The following HOOK1 variants were observed in gnomAD, a reference collection of about 807,000 sequenced individuals.
The protein encoded by HOOK1 is hook microtubule tethering protein 1, also known as protein Hook homolog 1.
Under a neutral mutation model 112.8 loss-of-function variants are expected in HOOK1, and 60 were observed. The ratio of observed to expected loss-of-function variants is 0.53; its 90% CI spans 0.43 to 0.66. The LOEUF (loss-of-function observed/expected upper bound fraction) is 0.66, where lower values mean the gene tolerates loss of function less well. HOOK1 is among the 30% of genes least tolerant of loss of function. HOOK1 has a pLI of 0.00. For missense variants in HOOK1, 770 were observed against 856.0 expected, an observed-to-expected ratio of 0.90 and a Z score of 1.25; for synonymous variants, 294 against 283.8, an observed-to-expected ratio of 1.04 and a Z score of -0.36.
chr1:59,835,367 A>T lies in HOOK1; in HGVS notation c.429A>T (p.Thr143=). ...TAGAACATATTCAAAATATAATGACACTGGAAGAGTCTGTTCAACATGTGG... is the reference window on the plus strand; with the variant it reads ...TAGAACATATTCAAAATATAATGACTCTGGAAGAGTCTGTTCAACATGTGG... ...KKQEHIQNIM[T]LEESVQHVVM... Residue 143 remains threonine (T), a synonymous_variant, in exon 6 of 22, where the codon ACA becomes ACT. Coordinates refer to ENST00000371208, the MANE Select transcript of HOOK1 (RefSeq NM_015888.6). The T allele has an allele frequency of 6.3e-7, 1 of 1,587,822 alleles. No homozygotes were observed. The highest frequency in any genetic ancestry group is 8.6e-7 in the Non-Finnish European group (1 of 1,157,136).
intron 12 of HOOK1, among the ~76,000 whole-genome samples, chr1:59,857,604 C>T (rs1399867605): frequency 6.6e-6 from 1 of 152,074 alleles, no homozygotes; most frequent in African/African-American, 2.4e-5. Context: ...ACCTACGGAC[C>T]CCTTGAATCA....
intron 15 of HOOK1, among the ~76,000 whole-genome samples, chr1:59,862,119 CAT>C (rs923110555): frequency 7.2e-5 from 11 of 152,092 alleles, no homozygotes; most frequent in African/African-American, 2.4e-4. Flanking sequence ...AAGGAATTAA[CAT>C]AGGAAAGCAG....
intron 14 of HOOK1, 24 bp downstream of exon 14, chr1:59,859,069 A>C: frequency 2.5e-6 from 3 of 1,180,130 alleles, no homozygotes; most frequent in Middle Eastern, 2.5e-4. Context: ...ATAATTTGAT[A>C]GAATTATATT....
At chr1:59,865,823 G>A (rs115906489) in intron 18 of HOOK1, 49 bp from the exon 19 acceptor site, 30,769 of 768,872 alleles carry the variant, frequency 0.04, 763 homozygotes, top group Non-Finnish European at 0.051. Context: ...ATTTTAATAG[G>A]TAGTAAATAT....
chr1:59,834,637 T>C lies in HOOK1; in HGVS notation c.407-708T>C, dbSNP rs187650545. On this transcript the variant is annotated intron_variant, in intron 5 of 21. Coordinates refer to ENST00000371208, the MANE Select transcript of HOOK1 (RefSeq NM_015888.6). ...AATCACAAATTGACAAGTAGTAATT[T>C]ATTTATAAATCTAGTAATTTTTTGT... Among the ~76,000 whole-genome samples the C allele has an allele frequency of 3.7e-3, 556 of 152,170 alleles. 7 individuals are homozygous for C. The highest frequency in any genetic ancestry group is 0.012 in the South Asian group (58 of 4,758).
intron 2 of HOOK1, among the ~76,000 whole-genome samples, chr1:59,825,467 TTG>T (rs2102009996): frequency 6.6e-6 from 1 of 152,326 alleles, no homozygotes; most frequent in South Asian, 2.1e-4. Flanking sequence ...TAGCAGATAT[TTG>T]AGCATTTAAC....
At chr1:59,872,038 A>C (rs1274684039) in intron 21 of HOOK1, among the ~76,000 whole-genome samples, 2 of 152,202 alleles carry the variant, frequency 1.3e-5, no homozygotes, top group African/African-American at 4.8e-5. Flanking sequence ...TTGATACATA[A>C]ATCAGTGAAG....
intron 6 of HOOK1, among the ~76,000 whole-genome samples, chr1:59,836,438 C>CA (rs1474992214): frequency 7.9e-5 from 12 of 152,160 alleles, no homozygotes. Flanking sequence ...CCTTTCATCT[C>CA]AGAGTTATTT....
At chr1:59,828,377 T>C (rs1215066615) in intron 2 of HOOK1, among the ~76,000 whole-genome samples, 1 of 152,176 alleles carries the variant, frequency 6.6e-6, no homozygotes, top group Non-Finnish European at 1.5e-5. Flanking sequence ...TTACTTAGAC[T>C]CTCTCATCCT....
intron 16 of HOOK1, chr1:59,863,684 G>T (rs534345546): frequency 2.0e-4 from 32 of 158,048 alleles, no homozygotes; most frequent in Non-Finnish European, 4.0e-4. Flanking sequence ...AATGCTAGGT[G>T]ATTATACCTG....
intron 20 of HOOK1, among the ~76,000 whole-genome samples, chr1:59,868,661 A>G (rs1281905000): frequency 6.6e-6 from 1 of 152,148 alleles, no homozygotes; most frequent in East Asian, 1.9e-4. Context: ...TGCAAATATG[A>G]TTTCATCTGG....
At chr1:59,816,312 A>G (rs1214847656) in intron 1 of HOOK1, among the ~76,000 whole-genome samples, 5 of 152,242 alleles carry the variant, frequency 3.3e-5, no homozygotes, top group African/African-American at 9.6e-5. Context: ...TGGAATGCAA[A>G]TATTTAGGGT....
intron 2 of HOOK1, among the ~76,000 whole-genome samples, chr1:59,826,387 C>A (rs1176566868): frequency 6.6e-6 from 1 of 150,604 alleles, no homozygotes; most frequent in Non-Finnish European, 1.5e-5. Flanking sequence ...GGTTGGAGAT[C>A]AAGTTTAATA....
chr1:59,815,054 T>G lies in HOOK1; in HGVS notation c.-64T>G, dbSNP rs924264621. On this transcript the variant is annotated 5_prime_UTR_variant, in exon 1 of 22. Coordinates refer to ENST00000371208, the MANE Select transcript of HOOK1 (RefSeq NM_015888.6). The stretch of plus-strand genomic sequence containing the variant: ...CTAGCAGGTCGTGGACGCCGGCTCC[T>G]GGAGGAGAGCCGGTAGGAGGGAGTG... 7.0e-7 allele frequency: 1 copy of G among 1,435,980 alleles called. No individual in the cohort carries two copies. Among genetic ancestry groups the G allele is most frequent in the Non-Finnish European group, 9.3e-7 (1 of 1,078,766 alleles). 89.0% of individuals were successfully genotyped at this position (1,435,980 alleles called of 1,614,324 possible).
At chr1:59,838,960 T>C (rs975849885) in intron 7 of HOOK1, among the ~76,000 whole-genome samples, 2 of 152,336 alleles carry the variant, frequency 1.3e-5, no homozygotes, top group Non-Finnish European at 2.9e-5. Flanking sequence ...AGGGAATCTT[T>C]TCCCCATTAC....
chr1:59,840,903 T>G (rs555442798), intron 8 of HOOK1, among the ~76,000 whole-genome samples: 7 of 152,278 alleles, frequency 4.6e-5, no homozygotes, highest in African/African-American at 1.7e-4. Flanking sequence ...GAACTTGGCA[T>G]GAGCAACAAT....
chr1:59,860,236 G>C lies in HOOK1; in HGVS notation c.1440G>C (p.Gln480His). Residue 480 changes from glutamine (Q) to histidine (H), a missense_variant, in exon 15 of 22, where the codon CAG becomes CAC. Physicochemically the swap from Gln to His is conservative, Grantham distance 24 (BLOSUM62 0). Transcript: ENST00000371208. ...ATGAAAATAAGATGCTTCGCTTACA[G>C]CAAGAAGGCTCTGAGAATGAACGTA... ...LQHENKMLRL[Q>H]QEGSENERIE... 1.2e-6 allele frequency: 2 copies of C among 1,610,156 alleles called. No homozygotes were observed. Among genetic ancestry groups the C allele is most frequent in the Non-Finnish European group, 1.7e-6 (2 of 1,177,684 alleles).
chr1:59,824,210 A>AT (rs35058060), intron 2 of HOOK1, among the ~76,000 whole-genome samples: 14,263 of 143,642 alleles, frequency 0.099, 1,842 homozygotes, highest in African/African-American at 0.3. Flanking sequence ...ATATGTTACA[A>AT]TTTTTTTTTT....
In HOOK1 at chr1:59,836,868, C is replaced by T; in HGVS notation, c.475-5C>T. The T allele has an allele frequency of 2.0e-6, 3 of 1,500,486 alleles. No homozygotes were observed. The highest frequency in any genetic ancestry group is 2.8e-6 in the Non-Finnish European group (3 of 1,087,016). The allele number at this position is 1,500,486 out of a possible 1,614,324, so 92.9% of individuals were successfully genotyped here. On this transcript the variant is annotated splice_polypyrimidine_tract_variant and splice_region_variant and intron_variant, in intron 6 of 21. Coordinates refer to ENST00000371208, the MANE Select transcript of HOOK1 (RefSeq NM_015888.6). ...ATACTTAATTTTATTATTTTAATTT[C>T]CTAGTTGATGAGTAAAGAAATATTG...
Sources: gnomAD v4.1 joint callset for allele counts (sites outside exome capture counted in the v4.1 genomes callset) on GRCh38, gnomAD v4.1.1 for gene constraint, MANE v1.5 for transcripts, NCBI Gene and HGNC (gene_info 2026-07-23, HGNC 2026-07-21) for gene names.